Variants in CLIC6 observed in about 807,000 individuals in gnomAD.
CLIC6 encodes chloride intracellular channel protein 6.
Under a neutral mutation model 49.2 loss-of-function variants are expected in CLIC6, and 39 were observed. The observed-to-expected ratio is 0.79, with a 90% CI of 0.61 to 1.04. The LOEUF is 1.04. CLIC6 is among the 50% of genes least tolerant of loss of function. CLIC6 has a pLI of 0.00. For missense variants in CLIC6, 988 were observed against 993.1 expected, an observed-to-expected ratio of 0.99 and a Z score of 0.07; for synonymous variants, 446 against 433.4, an observed-to-expected ratio of 1.03 and a Z score of -0.36.
intron 1 of CLIC6, among the ~76,000 whole-genome samples, chr21:34,702,269 C>T (rs778080442): frequency 6.6e-6 from 1 of 152,210 alleles, no homozygotes; most frequent in Non-Finnish European, 1.5e-5. Context: ...CCCAATAGGG[C>T]TGAAACCTGC....
At chr21:34,712,006 G>T (rs549343289) in intron 5 of CLIC6, among the ~76,000 whole-genome samples, 67 of 152,286 alleles carry the variant, frequency 4.4e-4, no homozygotes, top group Admixed American at 7.2e-4. Context: ...TTGAAGAAGA[G>T]GGGGAGAAAT....
At chr21:34,703,582 A>G (rs1486294648) in intron 1 of CLIC6, among the ~76,000 whole-genome samples, 1 of 152,178 alleles carries the variant, frequency 6.6e-6, no homozygotes, top group Non-Finnish European at 1.5e-5. Context: ...GAACAAAAAG[A>G]AGGAATTAAG....
At chr21:34,710,738 G>A (rs1453834223) in intron 5 of CLIC6, among the ~76,000 whole-genome samples, 1 of 152,042 alleles carries the variant, frequency 6.6e-6, no homozygotes, top group Non-Finnish European at 1.5e-5. Context: ...GCTTGAACCC[G>A]GGAGGCAGAC....
intron 1 of CLIC6, among the ~76,000 whole-genome samples, chr21:34,690,405 C>T (rs1467033440): frequency 2.0e-5 from 3 of 152,172 alleles, no homozygotes; most frequent in Non-Finnish European, 4.4e-5. Context: ...ATTTTATCGC[C>T]TCCTTTTCGA....
At chr21:34,707,416 A>G (rs1443167131) in intron 2 of CLIC6, 27 bp downstream of exon 2, 1 of 1,225,432 alleles carries the variant, frequency 8.2e-7, no homozygotes. Context: ...GCCTTACTGA[A>G]ATAACTGTAC....
intron 1 of CLIC6, among the ~76,000 whole-genome samples, chr21:34,672,991 C>G (rs1367419179): frequency 1.3e-5 from 2 of 152,196 alleles, no homozygotes; most frequent in South Asian, 2.1e-4. Flanking sequence ...TGCACAGAAA[C>G]AGTTATCCCT....
At chr21:34,679,874 C>T (rs1334780245) in intron 1 of CLIC6, among the ~76,000 whole-genome samples, 1 of 152,242 alleles carries the variant, frequency 6.6e-6, no homozygotes, top group Admixed American at 6.5e-5. Flanking sequence ...TTGCAGGGTA[C>T]AGCATCCCTC....
intron 1 of CLIC6, among the ~76,000 whole-genome samples, chr21:34,687,401 G>A (rs915460294): frequency 6.6e-6 from 1 of 152,176 alleles, no homozygotes; most frequent in Admixed American, 6.5e-5. Flanking sequence ...AATTTCACAA[G>A]GAAATAAGCT....
In CLIC6 at chr21:34,716,862, T is replaced by TCTCTCTCTCTCTCACACACA; in HGVS notation, c.*381_*382insTCTCTCTCTCTCACACACAC. On this transcript the variant is annotated 3_prime_UTR_variant, in exon 6 of 6. Transcript: ENST00000349499. ...CTCTCTCTCTCTCTCTCTCTCTCTA[T>TCTCTCTCTCTCTCACACACA]CACACACACACACACACACACACAC... 7 of 131,632 alleles carry TCTCTCTCTCTCTCACACACA rather than the reference T, an allele frequency of 5.3e-5. No individual in the cohort carries two copies. The highest frequency in any genetic ancestry group is 2.2e-4 in the African/African-American group (7 of 31,212). 8.2% of individuals were successfully genotyped at this position (131,632 alleles called of 1,614,324 possible).
chr21:34,706,898 C>T (rs184319053), intron 1 of CLIC6, among the ~76,000 whole-genome samples: 9 of 152,188 alleles, frequency 5.9e-5, no homozygotes, highest in Admixed American at 5.9e-4. Context: ...TGGAGAGGAT[C>T]GAGAGATAGA....
rs1398767479 is a variant in CLIC6 at position 34,708,014 on chromosome 21, A to C, written c.1555A>C (p.Lys519Gln). 3.7e-6 allele frequency: 6 copies of C among 1,614,162 alleles called. No individual in the cohort carries two copies. The highest frequency in any genetic ancestry group is 1.6e-4 in the Middle Eastern group (1 of 6,062). Residue 519 changes from lysine (K) to glutamine (Q), a missense_variant, in exon 3 of 6, where the codon AAG becomes CAG. By Grantham distance (53) the Lys-to-Gln change is moderately conservative (BLOSUM62 1). This residue lies in a region of CLIC6 where 647 missense variants were observed against 596.9 expected (regional missense o/e 1.08). Transcript: ENST00000349499. ...PPFMTFDGEV[K>Q]TDVNKIEEFL... Reference sequence around the variant, plus strand: ...TTTCATGACTTTTGATGGTGAAGTCAAGACGGATGTGAATAAGATCGAGGA... The same window carrying C: ...TTTCATGACTTTTGATGGTGAAGTCCAGACGGATGTGAATAAGATCGAGGA...
rs57210806 is a variant in CLIC6, at chr21:34,694,135, A to ATTTTTTTTTTT, written c.1375-13138_1375-13128dup. On this transcript the variant is annotated intron_variant, in intron 1 of 5. Coordinates refer to ENST00000349499, the MANE Select transcript of CLIC6 (RefSeq NM_053277.3). ...ACTACAGCACCACCACGCCTGGTTA[A>ATTTTTTTTTTT]TTTTTTTTTTTTTTTTTGTATTTTT... 8.0e-4 allele frequency among the ~76,000 whole-genome samples: 103 copies of ATTTTTTTTTTT among 128,408 alleles called. 1 individual carries two copies. Among genetic ancestry groups the ATTTTTTTTTTT allele is most frequent in the African/African-American group, 3.1e-3 (100 of 32,008 alleles). 84.2% of individuals were successfully genotyped at this position (128,408 alleles called of 152,430 possible).
At chr21:34,674,391 C>T (rs954622534) in intron 1 of CLIC6, among the ~76,000 whole-genome samples, 1 of 152,236 alleles carries the variant, frequency 6.6e-6, no homozygotes, top group Admixed American at 6.5e-5. Context: ...CATGCCTGGC[C>T]TCTCTTCCTA....
chr21:34,700,850 A>G lies in CLIC6; in HGVS notation c.1375-6430A>G, dbSNP rs1428123627. Among the ~76,000 whole-genome samples the G allele has an allele frequency of 2.1e-5, 3 of 139,882 alleles. 1 individual carries two copies. The highest frequency in any genetic ancestry group is 4.6e-5 in the Non-Finnish European group (3 of 64,650). The allele number at this position is 139,882 out of a possible 152,430, so 91.8% of individuals were successfully genotyped here. A position where few individuals can be genotyped will look rare whatever the true frequency, so the allele number is the denominator to read the frequency against. ...CGCTTGCCACCTCCGCCACGGGTCA[A>G]GGTGTGCTCAGCCGTCCAGGTGAGC... On this transcript the variant is annotated intron_variant, in intron 1 of 5. Coordinates refer to ENST00000349499, the MANE Select transcript of CLIC6 (RefSeq NM_053277.3).
At chr21:34,696,350 T>C (rs1990087200) in intron 1 of CLIC6, among the ~76,000 whole-genome samples, 1 of 152,220 alleles carries the variant, frequency 6.6e-6, no homozygotes, top group East Asian at 1.9e-4. Context: ...GCTTCTGATA[T>C]GTGTTCTCTT....
intron 2 of CLIC6, 111 bp from the exon 3 acceptor site, chr21:34,707,833 T>A (rs1272844449): frequency 9.2e-7 from 1 of 1,087,452 alleles, no homozygotes; most frequent in African/African-American, 1.6e-5. Flanking sequence ...CCATCTACTT[T>A]GCAGTTCTCA....
At position 34,716,372 on chromosome 21, in the gene CLIC6, A is replaced by T. The variant is rs78180107; in HGVS notation, c.1951A>T (p.Ile651Phe). 1.9e-6 allele frequency: 3 copies of T among 1,613,912 alleles called. No homozygotes were observed. The highest frequency in any genetic ancestry group is 2.2e-5 in the East Asian group (1 of 44,878). Residue 651 changes from isoleucine to phenylalanine, a missense_variant, in exon 6 of 6, where the codon ATC becomes TTC. Coordinates refer to ENST00000349499, the MANE Select transcript of CLIC6 (RefSeq NM_053277.3). Reference sequence around the variant, plus strand: ...TGAATTTCCTTCTGAAATGACTGGCATCTGGAGATACTTGAATAATGCTTA... The same window carrying T: ...TGAATTTCCTTCTGAAATGACTGGCTTCTGGAGATACTTGAATAATGCTTA... Reference protein sequence around the residue: ...DFEFPSEMTGIWRYLNNAYAR... With the variant: ...DFEFPSEMTGFWRYLNNAYAR...
intron 5 of CLIC6, among the ~76,000 whole-genome samples, chr21:34,715,293 A>T (rs2056079837): frequency 6.6e-6 from 1 of 152,186 alleles, no homozygotes; most frequent in African/African-American, 2.4e-5. Flanking sequence ...TAAAAATAGG[A>T]TCTTTGCAGA....
intron 5 of CLIC6, among the ~76,000 whole-genome samples, chr21:34,713,835 A>T (rs148784087): frequency 0.014 from 2,137 of 152,284 alleles, 53 homozygotes; most frequent in African/African-American, 0.045. Flanking sequence ...CTTTGAGAAT[A>T]AAAAACAACC....
Sources: gnomAD v4.1 joint callset for allele counts (sites outside exome capture counted in the v4.1 genomes callset) on GRCh38, gnomAD v4.1.1 for gene constraint, gnomAD v4.1.1 regional missense constraint, MANE v1.5 for transcripts, NCBI Gene and HGNC (gene_info 2026-07-23, HGNC 2026-07-21) for gene names.